Variants in COL4A5 observed in about 807,000 individuals in gnomAD.
COL4A5 encodes the protein collagen type IV alpha 5 chain.
COL4A5 carries 26 observed loss-of-function variants against 130.2 expected under a neutral mutation model. That is an observed-to-expected ratio of 0.20 (90% CI 0.15 to 0.28). The LOEUF is 0.28. Ranked by LOEUF, COL4A5 falls within the 10% of genes least tolerant of loss-of-function variation. The pLI, the probability that COL4A5 is intolerant of heterozygous loss-of-function variation, is 1.00. For missense variants in COL4A5, 1,131 were observed against 1,344.3 expected (o/e 0.84, Z 2.48); for synonymous variants, 496 against 439.6 (o/e 1.13, Z -1.60).
intron 29 of COL4A5, among the ~76,000 whole-genome samples, chrX:108,613,794 T>C (rs781536846): frequency 1.8e-5 from 2 of 111,947 alleles, no homozygotes; most frequent in Non-Finnish European, 3.8e-5. Flanking sequence ...CAATAAGTGC[T>C]GCTAAGGATG....
intron 2 of COL4A5, among the ~76,000 whole-genome samples, chrX:108,546,884 C>G (rs1449893386): frequency 8.9e-6 from 1 of 112,028 alleles, no homozygotes; most frequent in Non-Finnish European, 1.9e-5. Context: ...GATACCCTTT[C>G]TTCCAGTTGA....
chrX:108,689,649 A>C, intron 49 of COL4A5: 3 of 753,932 alleles, frequency 4.0e-6, no homozygotes, highest in Non-Finnish European at 4.7e-6. Flanking sequence ...CTTGATGACT[A>C]AGCAAAGATA....
chrX:108,440,333 A>C (rs1468726725), intron 1 of COL4A5, 127 bp downstream of exon 1: 2 of 499,691 alleles, frequency 4.0e-6, no homozygotes, highest in Non-Finnish European at 6.9e-6. Context: ...TTGCTTTCTC[A>C]TGTTTAGGAA....
At chrX:108,456,104 A>G (rs910193220) in intron 1 of COL4A5, among the ~76,000 whole-genome samples, 4 of 111,691 alleles carry the variant, frequency 3.6e-5, no homozygotes, top group Non-Finnish European at 5.6e-5. Context: ...TGAACACCAT[A>G]TACCTCTCCA....
Position 108,686,052 on chromosome X carries a change from A to G in COL4A5, c.4238A>G (p.Asp1413Gly). Residue 1413 changes from aspartate (D) to glycine (G), a missense_variant, in exon 48 of 53, where the codon GAT (aspartate) becomes GGT (glycine). Transcript: ENST00000328300. ...GLPGPTGPPG[D>G]PGRNGLPGFD... ...GTAGGTCCAACTGGCCCTCCAGGAG[A>G]TCCTGGACGCAATGGACTCCCTGGC... The G allele has an allele frequency of 8.3e-7, 1 of 1,209,969 alleles. No homozygotes were observed. The highest frequency in any genetic ancestry group is 3.0e-5 in the East Asian group (1 of 33,782).
intron 29 of COL4A5, among the ~76,000 whole-genome samples, chrX:108,608,528 C>G (rs1455403755): frequency 9.0e-6 from 1 of 111,015 alleles, no homozygotes; most frequent in Non-Finnish European, 1.9e-5. Flanking sequence ...CATATCTATC[C>G]ATCCCTGTCT....
intron 2 of COL4A5, among the ~76,000 whole-genome samples, chrX:108,542,556 C>T (rs1273854864): frequency 9.8e-4 from 108 of 110,283 alleles, no homozygotes; most frequent in Non-Finnish European, 1.8e-3. Flanking sequence ...TGAATAGTGC[C>T]GCAATAAATA....
chrX:108,471,467 C>A (rs935975663), intron 1 of COL4A5, among the ~76,000 whole-genome samples: 8 of 111,639 alleles, frequency 7.2e-5, no homozygotes, highest in Non-Finnish European at 1.5e-4. Flanking sequence ...ATAGAAGTGG[C>A]AATCATTTTT....
chrX:108,446,552 CT>C (rs1316931102), intron 1 of COL4A5, among the ~76,000 whole-genome samples: 2 of 111,903 alleles, frequency 1.8e-5, no homozygotes, highest in Admixed American at 9.5e-5. Context: ...ATTATGGTAA[CT>C]TTTTTAGTGG....
rs750106548 is a variant in COL4A5 at position 108,606,795 on chromosome X, T to A, written c.2298T>A (p.Gly766=). The A allele has an allele frequency of 6.6e-6, 8 of 1,211,374 alleles. No homozygotes were observed. Among genetic ancestry groups the A allele is most frequent in the Non-Finnish European group, 8.9e-6 (8 of 895,234 alleles). ...CACCTGGGCCACCAGGACTTCCAGG[T>A]TTCAAAGGAGCACTTGGTCCAAAAG... ...PGPPGPPGLP[G]FKGALGPKGD... Residue 766 remains glycine (G), a synonymous_variant, in exon 29 of 53, where the codon GGT becomes GGA. Coordinates refer to ENST00000328300, the MANE Select transcript of COL4A5 (RefSeq NM_033380.3).
Position 108,601,448 on chromosome X carries a change from T to G in COL4A5, c.2004T>G (p.Pro668=), listed in dbSNP as rs376003159. ...CCCAGCCGGGGAAGCCTGGCTTGCC[T>G]GGTAACCCAGGCAGAGATGGTGATG... ...TITQPGKPGL[P]GNPGRDGDVG... is the part of the protein sequence containing the mutation. The change falls in exon 26 of 53, where the codon CCT becomes CCG. Residue 668 remains proline, a synonymous_variant. Coordinates refer to ENST00000328300, the MANE Select transcript of COL4A5 (RefSeq NM_033380.3). 7 of 1,204,699 alleles carry G rather than the reference T, an allele frequency of 5.8e-6. No homozygotes were observed. In the African/African-American group the frequency reaches 1.2e-4, roughly 21 times the overall value.
intron 6 of COL4A5, among the ~76,000 whole-genome samples, chrX:108,571,136 G>A (rs962738422): frequency 6.2e-5 from 7 of 112,026 alleles, no homozygotes; most frequent in African/African-American, 2.3e-4. Context: ...AATTTATGGC[G>A]TGATCGTCTC....
intron 8 of COL4A5, among the ~76,000 whole-genome samples, chrX:108,572,835 AGTTT>A (rs773802423): frequency 4.5e-5 from 5 of 111,995 alleles, no homozygotes; most frequent in Admixed American, 2.8e-4. Context: ...TAAAGTCCAT[AGTTT>A]GTTTGTAAGA....
chrX:108,686,266 G>GA, intron 48 of COL4A5, 137 bp downstream of exon 48: 1 of 518,359 alleles, frequency 1.9e-6, no homozygotes, highest in Non-Finnish European at 3.4e-6. Flanking sequence ...TGGACCTGAG[G>GA]AAAATAGGAA....
intron 36 of COL4A5, among the ~76,000 whole-genome samples, chrX:108,647,783 T>C (rs1162196617): frequency 2.7e-5 from 3 of 111,781 alleles, no homozygotes. Context: ...TGAGAGTTTT[T>C]AGCATGAAGG....
chrX:108,476,662 A>G (rs2147518650), intron 1 of COL4A5, among the ~76,000 whole-genome samples: 1 of 109,960 alleles, frequency 9.1e-6, no homozygotes, highest in Admixed American at 9.8e-5. Context: ...TTAGGTCCCC[A>G]AAATAAGTGA....
intron 2 of COL4A5, among the ~76,000 whole-genome samples, chrX:108,554,595 TCA>T (rs1281717599): frequency 8.9e-6 from 1 of 111,849 alleles, no homozygotes; most frequent in Non-Finnish European, 1.9e-5. Flanking sequence ...GCATGGTGGC[TCA>T]CAACTGTAAT....
At chrX:108,611,300 T>G (rs1306889495) in intron 29 of COL4A5, among the ~76,000 whole-genome samples, 1 of 111,269 alleles carries the variant, frequency 9.0e-6, no homozygotes, top group Admixed American at 9.6e-5. Flanking sequence ...AGCATTCAGT[T>G]TACCTCATAT....
chrX:108,529,116 G>A (rs1407840109), intron 1 of COL4A5, among the ~76,000 whole-genome samples: 1 of 111,785 alleles, frequency 8.9e-6, no homozygotes, highest in Admixed American at 9.5e-5. Context: ...ACAGTGGATT[G>A]CTCAGCAGAA....
Sources: gnomAD v4.1 joint callset for allele counts (sites outside exome capture counted in the v4.1 genomes callset) on GRCh38, gnomAD v4.1.1 for gene constraint, MANE v1.5 for transcripts, NCBI Gene and HGNC (gene_info 2026-07-23, HGNC 2026-07-21) for gene names.